TCF12: variants seen among roughly 807,000 people sequenced by gnomAD.
TCF12 encodes the protein DNA-binding protein HTF4.
TCF12 carries 45 observed loss-of-function variants against 86.0 expected under a neutral mutation model. That is an observed-to-expected ratio of 0.52 (90% CI 0.41 to 0.67). The LOEUF (loss-of-function observed/expected upper bound fraction) is 0.67. TCF12 is among the 30% of genes least tolerant of loss of function. The pLI is 0.00. For missense variants in TCF12, 881 were observed against 859.9 expected, an observed-to-expected ratio of 1.02 and a Z score of -0.31; for synonymous variants, 330 against 299.6, an observed-to-expected ratio of 1.10 and a Z score of -1.05.
At chr15:57,180,362 A>G (rs914689368) in intron 6 of TCF12, among the ~76,000 whole-genome samples, 2 of 152,194 alleles carry the variant, frequency 1.3e-5, no homozygotes, top group African/African-American at 2.4e-5. Flanking sequence ...AAATTAGAAC[A>G]ACAACTGCAA....
At chr15:57,214,689 T>A (rs1489038341) in intron 8 of TCF12, among the ~76,000 whole-genome samples, 1 of 152,218 alleles carries the variant, frequency 6.6e-6, no homozygotes, top group African/African-American at 2.4e-5. Flanking sequence ...TATGTGTTGA[T>A]ATCCAAATAA....
At chr15:56,982,642 CT>C (rs1567202000) in intron 3 of TCF12, among the ~76,000 whole-genome samples, 1 of 152,088 alleles carries the variant, frequency 6.6e-6, no homozygotes, top group Admixed American at 6.6e-5. Flanking sequence ...AAATTTGTAC[CT>C]TGATTCTGTA....
intron 4 of TCF12, among the ~76,000 whole-genome samples, chr15:57,073,827 C>A (rs1332594314): frequency 1.3e-5 from 2 of 152,160 alleles, no homozygotes; most frequent in African/African-American, 4.8e-5. Context: ...TGGCTCACTG[C>A]AAGCTCTGCC....
intron 9 of TCF12, 50 bp from the exon 10 acceptor site, chr15:57,232,241 C>G: frequency 6.2e-7 from 1 of 1,605,140 alleles, no homozygotes; most frequent in Non-Finnish European, 8.5e-7. Context: ...CATCAAAATA[C>G]AAGAAAATTT....
intron 3 of TCF12, among the ~76,000 whole-genome samples, chr15:57,055,404 A>T (rs2067941731): frequency 1.3e-5 from 2 of 152,120 alleles, no homozygotes; most frequent in Admixed American, 6.5e-5. Flanking sequence ...CTGTCTCAAA[A>T]AATAATAATA....
intron 7 of TCF12, among the ~76,000 whole-genome samples, chr15:57,195,447 A>G (rs2057209975): frequency 6.6e-6 from 1 of 152,214 alleles, no homozygotes; most frequent in Admixed American, 6.5e-5. Flanking sequence ...TTTTCGTACA[A>G]GGAGTATGGC....
intron 4 of TCF12, among the ~76,000 whole-genome samples, chr15:57,069,433 C>T (rs778128928): frequency 1.3e-5 from 2 of 152,166 alleles, no homozygotes; most frequent in Non-Finnish European, 2.9e-5. Flanking sequence ...CCATGGTTTT[C>T]TCTTCTGTCT....
chr15:56,951,489 G>A (rs1260918283), intron 3 of TCF12, among the ~76,000 whole-genome samples: 1 of 152,064 alleles, frequency 6.6e-6, no homozygotes, highest in Admixed American at 6.6e-5. Context: ...TCTACTAGGT[G>A]GATTGTCTTT....
At chr15:57,045,282 G>A (rs2920265) in intron 3 of TCF12, among the ~76,000 whole-genome samples, 86,537 of 151,986 alleles carry the variant, frequency 0.57, 24,867 homozygotes, top group Admixed American at 0.61. Flanking sequence ...GATTTGAACT[G>A]TGTCTGGATT....
intron 5 of TCF12, among the ~76,000 whole-genome samples, chr15:57,133,575 T>C (rs533191605): frequency 6.6e-6 from 1 of 152,192 alleles, no homozygotes; most frequent in African/African-American, 2.4e-5. Context: ...ACCGAGGTGA[T>C]TGATTGGTTT....
rs969655137 is a variant in TCF12, at chr15:57,238,566, C to T, written c.1035+4459C>T. Among the ~76,000 whole-genome samples the T allele has an allele frequency of 2.0e-5, 3 of 152,194 alleles. No homozygotes were observed. In the South Asian group the frequency reaches 6.2e-4, roughly 32 times the overall value. ...GAAATTAAGTCATATTTATAACAAG[C>T]TCTTTTGCCCTTGGTATTTCTGTTG... On this transcript the variant is annotated intron_variant, in intron 12 of 20. Coordinates refer to ENST00000333725, the MANE Select transcript of TCF12 (RefSeq NM_207037.2).
At chr15:56,967,188 G>T (rs2140671946) in intron 3 of TCF12, among the ~76,000 whole-genome samples, 1 of 151,978 alleles carries the variant, frequency 6.6e-6, no homozygotes, top group East Asian at 1.9e-4. Flanking sequence ...AATTATTGAT[G>T]GTGATTAGAA....
chr15:57,077,552 GC>G (rs2070224061), intron 4 of TCF12, among the ~76,000 whole-genome samples: 1 of 151,140 alleles, frequency 6.6e-6, no homozygotes, highest in South Asian at 2.1e-4. Context: ...ATTTTTAATT[GC>G]ATTTTTTGGA....
chr15:56,926,167 G>A (rs2060005607), intron 3 of TCF12, among the ~76,000 whole-genome samples: 1 of 152,100 alleles, frequency 6.6e-6, no homozygotes, highest in South Asian at 2.1e-4. Flanking sequence ...CACAGAATTA[G>A]CCAGGTGTTG....
At chr15:57,237,898 T>TATC (rs1312642122) in intron 12 of TCF12, among the ~76,000 whole-genome samples, 1 of 152,224 alleles carries the variant, frequency 6.6e-6, no homozygotes, top group Non-Finnish European at 1.5e-5. Context: ...AAGGCTGTGT[T>TATC]ATCATGCTTT....
intron 3 of TCF12, among the ~76,000 whole-genome samples, chr15:57,025,086 T>C (rs1207776546): frequency 6.6e-6 from 1 of 152,102 alleles, no homozygotes; most frequent in African/African-American, 2.4e-5. Context: ...GCTACCTTTT[T>C]TTTTTTGAGA....
chr15:57,239,495 A>G (rs2593233), intron 12 of TCF12, among the ~76,000 whole-genome samples: 29,136 of 147,380 alleles, frequency 0.2, 3,178 homozygotes, highest in Non-Finnish European at 0.24. Flanking sequence ...CAGCCTGGGC[A>G]ACAGAGCAAG....
chr15:56,939,991 T>G (rs1304857013), intron 3 of TCF12, among the ~76,000 whole-genome samples: 6 of 119,538 alleles, frequency 5.0e-5, no homozygotes, highest in African/African-American at 2.1e-4. Context: ...TTTTTTTTTT[T>G]GACAGGGTAT....
At chr15:57,093,070 G>GA (rs2049093790) in intron 5 of TCF12, among the ~76,000 whole-genome samples, 2 of 152,102 alleles carry the variant, frequency 1.3e-5, no homozygotes, top group African/African-American at 4.8e-5. Flanking sequence ...ACAGAAGAGT[G>GA]AAAAAACTGA....
Sources: allele counts gnomAD v4.1 joint callset (sites outside exome capture counted in the v4.1 genomes callset), GRCh38; gene constraint gnomAD v4.1.1; transcripts MANE v1.5; gene names NCBI Gene and HGNC (gene_info 2026-07-23, HGNC 2026-07-21).